CCDC6: variants seen among roughly 807,000 people sequenced by gnomAD.
The protein encoded by CCDC6 is coiled-coil domain containing 6.
Under a neutral mutation model 56.6 loss-of-function variants are expected in CCDC6, and 20 were observed. The ratio of observed to expected loss-of-function variants is 0.35; its 90% CI spans 0.25 to 0.51. The LOEUF is 0.51. Ranked by LOEUF, CCDC6 falls within the 20% of genes least tolerant of loss-of-function variation. The pLI is 0.95. For missense variants in CCDC6, 367 were observed against 601.1 expected, an observed-to-expected ratio of 0.61 and a Z score of 4.07; for synonymous variants, 241 against 234.4, an observed-to-expected ratio of 1.03 and a Z score of -0.26.
chr10:59,845,194 T>C (rs2070980473), intron 2 of CCDC6, among the ~76,000 whole-genome samples: 2 of 152,158 alleles, frequency 1.3e-5, no homozygotes, highest in Admixed American at 1.3e-4. Flanking sequence ...TCTACTTTGG[T>C]AAATAAAGCA....
chr10:59,794,575 C>T lies in CCDC6; in HGVS notation c.1128G>A (p.Thr376=), dbSNP rs372072596. The T allele has an allele frequency of 8.8e-5, 142 of 1,613,754 alleles. No individual in the cohort carries two copies. Among genetic ancestry groups the T allele is most frequent in the Non-Finnish European group, 1.1e-4 (126 of 1,179,686 alleles). ...GTGAAGTTGGTGGCGTGAAACCAAC[C>T]GTGTGACTTGCATATGATAGACCTA... ...ISPGLSYASH[T]VGFTPPTSLT... Residue 376 remains threonine (T), a synonymous_variant, in exon 8 of 9, where the codon ACG becomes ACA. Transcript: ENST00000263102.
At chr10:59,897,065 A>G (rs2071469102) in intron 1 of CCDC6, among the ~76,000 whole-genome samples, 2 of 152,284 alleles carry the variant, frequency 1.3e-5, no homozygotes, top group Non-Finnish European at 2.9e-5. Context: ...TTGGTTAATA[A>G]AAACAATAAA....
intron 2 of CCDC6, among the ~76,000 whole-genome samples, chr10:59,835,926 G>A (rs1209423219): frequency 1.3e-5 from 2 of 151,784 alleles, no homozygotes; most frequent in African/African-American, 2.4e-5. Context: ...GGTGGTGCGC[G>A]CACCTGTAGT....
intron 1 of CCDC6, among the ~76,000 whole-genome samples, chr10:59,874,052 G>T (rs544907935): frequency 1.3e-5 from 2 of 151,386 alleles, no homozygotes; most frequent in African/African-American, 4.9e-5. Context: ...GAAAGAAAAC[G>T]AAGTGAAAGA....
chr10:59,889,743 T>G (rs893378504), intron 1 of CCDC6, among the ~76,000 whole-genome samples: 5 of 152,094 alleles, frequency 3.3e-5, no homozygotes, highest in African/African-American at 1.2e-4. Context: ...TTCTCCCCTT[T>G]CTCCAACTTG....
intron 1 of CCDC6, among the ~76,000 whole-genome samples, chr10:59,864,792 T>C (rs904193257): frequency 3.3e-5 from 5 of 152,138 alleles, no homozygotes; most frequent in Non-Finnish European, 7.3e-5. Flanking sequence ...CTCCCACCTC[T>C]TAATGACAGA....
At chr10:59,840,830 C>T (rs2070931481) in intron 2 of CCDC6, among the ~76,000 whole-genome samples, 1 of 152,050 alleles carries the variant, frequency 6.6e-6, no homozygotes, top group South Asian at 2.1e-4. Flanking sequence ...CAAAATGTAC[C>T]CAGAATCCAA....
At chr10:59,836,430 C>CAAA in intron 2 of CCDC6, among the ~76,000 whole-genome samples, 1 of 152,266 alleles carries the variant, frequency 6.6e-6, no homozygotes, top group South Asian at 2.1e-4. Context: ...TCAATATGGG[C>CAAA]AAACTTTTCT....
intron 1 of CCDC6, 83 bp from the exon 2 acceptor site, chr10:59,852,785 A>G: frequency 1.7e-6 from 2 of 1,150,710 alleles, no homozygotes; most frequent in Non-Finnish European, 1.2e-6. Context: ...TATAGTTCTT[A>G]TTTCCAGAAA....
chr10:59,846,574 T>G (rs764889023), intron 2 of CCDC6, among the ~76,000 whole-genome samples: 2 of 152,328 alleles, frequency 1.3e-5, no homozygotes, highest in Middle Eastern at 3.4e-3. Flanking sequence ...ACTTTTCTTC[T>G]TAAGTATTTC....
At chr10:59,861,617 C>T (rs2071129535) in intron 1 of CCDC6, among the ~76,000 whole-genome samples, 1 of 152,024 alleles carries the variant, frequency 6.6e-6, no homozygotes, top group African/African-American at 2.4e-5. Flanking sequence ...TGGGAAATTT[C>T]ACTGAGATAG....
intron 1 of CCDC6, among the ~76,000 whole-genome samples, chr10:59,896,626 A>G (rs945281461): frequency 6.6e-6 from 1 of 152,052 alleles, no homozygotes; most frequent in African/African-American, 2.4e-5. Context: ...ACAAAAACAA[A>G]CAAACAAAAA....
chr10:59,901,120 T>C (rs891451366), intron 1 of CCDC6, among the ~76,000 whole-genome samples: 1 of 152,128 alleles, frequency 6.6e-6, no homozygotes, highest in Admixed American at 6.5e-5. Flanking sequence ...ACATAGAAGA[T>C]ACTTACAAAT....
At chr10:59,872,779 T>TTGC (rs879391093) in intron 1 of CCDC6, among the ~76,000 whole-genome samples, 14 of 57,220 alleles carry the variant, frequency 2.4e-4, no homozygotes, top group African/African-American at 7.0e-4. Flanking sequence ...ACTTTCCAGA[T>TTGC]GGGGGGGTGG....
At chr10:59,903,132 T>G (rs2071516405) in intron 1 of CCDC6, among the ~76,000 whole-genome samples, 1 of 152,046 alleles carries the variant, frequency 6.6e-6, no homozygotes, top group Non-Finnish European at 1.5e-5. Flanking sequence ...GTAAAAAAAA[T>G]CAGTGGTTGC....
chr10:59,807,701 T>C (rs764080526), intron 5 of CCDC6, among the ~76,000 whole-genome samples: 4 of 152,214 alleles, frequency 2.6e-5, no homozygotes, highest in Non-Finnish European at 4.4e-5. Context: ...AATTGGAGTC[T>C]ACAAGTAGCC....
chr10:59,842,593 C>T (rs1040573710), intron 2 of CCDC6, among the ~76,000 whole-genome samples: 1 of 152,092 alleles, frequency 6.6e-6, no homozygotes, highest in African/African-American at 2.4e-5. Context: ...TTGCTGACTT[C>T]ATTTACTTAT....
intron 3 of CCDC6, among the ~76,000 whole-genome samples, chr10:59,827,395 T>A (rs933108658): frequency 1.3e-5 from 2 of 152,220 alleles, no homozygotes; most frequent in Non-Finnish European, 2.9e-5. Context: ...CATATAAATG[T>A]ATTTCTTGCT....
At chr10:59,895,251 A>AG (rs1458583070) in intron 1 of CCDC6, among the ~76,000 whole-genome samples, 2 of 152,136 alleles carry the variant, frequency 1.3e-5, no homozygotes, top group East Asian at 3.9e-4. Flanking sequence ...GCAGTCAACA[A>AG]TGATGGCACC....
Sources: gnomAD v4.1 joint callset for allele counts (sites outside exome capture counted in the v4.1 genomes callset) on GRCh38, gnomAD v4.1.1 for gene constraint, MANE v1.5 for transcripts, NCBI Gene and HGNC (gene_info 2026-07-23, HGNC 2026-07-21) for gene names.